The following TMEM108 variants were observed in gnomAD, a reference collection of about 807,000 sequenced individuals.
TMEM108 encodes transmembrane protein 108.
Under a neutral mutation model 35.1 loss-of-function variants are expected in TMEM108, and 12 were observed. That is an observed-to-expected ratio of 0.34 (90% confidence interval 0.22 to 0.55). TMEM108 has a LOEUF of 0.55. Ranked by LOEUF, TMEM108 falls within the 20% of genes least tolerant of loss-of-function variation. TMEM108 has a pLI of 0.89. For synonymous variants in TMEM108, 287 were observed against 308.6 expected, an observed-to-expected ratio of 0.93 and a Z score of 0.73; for missense variants, 680 against 753.3, an observed-to-expected ratio of 0.90 and a Z score of 1.14.
intron 2 of TMEM108, among the ~76,000 whole-genome samples, chr3:133,079,125 A>G (rs1001959827): frequency 1.3e-5 from 2 of 152,206 alleles, no homozygotes; most frequent in Non-Finnish European, 2.9e-5. Context: ...GGAAGACATA[A>G]TTGCTGACTG....
intron 2 of TMEM108, among the ~76,000 whole-genome samples, chr3:133,063,963 C>T (rs1943565971): frequency 6.6e-6 from 1 of 152,194 alleles, no homozygotes; most frequent in African/African-American, 2.4e-5. Context: ...ACCACATAGA[C>T]AGCATTCCCT....
At chr3:133,059,370 C>T (rs1048244402) in intron 2 of TMEM108, among the ~76,000 whole-genome samples, 1 of 151,862 alleles carries the variant, frequency 6.6e-6, no homozygotes, top group African/African-American at 2.4e-5. Flanking sequence ...GCTGGAGTGA[C>T]TTTTTTTTGG....
chr3:133,376,972 C>T (rs939365950), intron 3 of TMEM108, among the ~76,000 whole-genome samples: 4 of 152,122 alleles, frequency 2.6e-5, no homozygotes, highest in Non-Finnish European at 2.9e-5. Context: ...TGGAGTCCCC[C>T]GAGTCCTCTC....
intron 3 of TMEM108, among the ~76,000 whole-genome samples, chr3:133,360,007 TAA>T (rs59374214): frequency 1.3e-4 from 15 of 112,882 alleles, no homozygotes; most frequent in African/African-American, 2.8e-4. Flanking sequence ...ACTCAACAGT[TAA>T]AAAAAAAAAA....
At chr3:133,255,370 A>G (rs1341577160) in intron 3 of TMEM108, among the ~76,000 whole-genome samples, 1 of 152,222 alleles carries the variant, frequency 6.6e-6, no homozygotes, top group Admixed American at 6.5e-5. Flanking sequence ...CAAAATTAAA[A>G]ACATGTAATT....
At chr3:133,184,772 C>A (rs776530781) in intron 2 of TMEM108, among the ~76,000 whole-genome samples, 4 of 152,138 alleles carry the variant, frequency 2.6e-5, no homozygotes, top group African/African-American at 4.8e-5. Flanking sequence ...ACCCTGTTAC[C>A]TTTAGCTTCT....
At chr3:133,088,416 A>G (rs941814636) in intron 2 of TMEM108, among the ~76,000 whole-genome samples, 4 of 152,218 alleles carry the variant, frequency 2.6e-5, no homozygotes, top group Non-Finnish European at 5.9e-5. Flanking sequence ...TGAAAGTGAT[A>G]TAACATTAGC....
Position 133,380,914 on chromosome 3 carries a change from G to A in TMEM108, c.1203G>A (p.Lys401=). The A allele has an allele frequency of 6.2e-7, 1 of 1,614,194 alleles. No homozygotes were observed. The highest frequency in any genetic ancestry group is 2.2e-5 in the East Asian group (1 of 44,888). ...CAGAAAGCACTATTTCTGGAGCCAA[G>A]GAGGAGACTGTGGCCACCCTCACCA... is the stretch of plus-strand genomic sequence containing the variant. ...RVSESTISGA[K]EETVATLTMT... is the part of the protein sequence containing the mutation. Residue 401 remains lysine, a synonymous_variant, in exon 4 of 6, where the codon AAG becomes AAA. Coordinates refer to ENST00000321871, the MANE Select transcript of TMEM108 (RefSeq NM_023943.4). The surrounding 1 kb of genome is among the most constrained non-coding windows in gnomAD (Gnocchi z 5.3).
intron 3 of TMEM108, chr3:133,303,448 TC>T: frequency 6.6e-6 from 1 of 152,280 alleles, no homozygotes; most frequent in East Asian, 1.9e-4. Flanking sequence ...TCTGGTACCT[TC>T]CTAAGCATTT....
At chr3:133,300,264 G>A (rs367993010) in intron 3 of TMEM108, among the ~76,000 whole-genome samples, 21 of 152,250 alleles carry the variant, frequency 1.4e-4, no homozygotes, top group Admixed American at 2.0e-4. Flanking sequence ...ATTAATGTCC[G>A]TAGGCAGTAT....
At chr3:133,140,971 A>G (rs1320225852) in intron 2 of TMEM108, among the ~76,000 whole-genome samples, 1 of 152,242 alleles carries the variant, frequency 6.6e-6, no homozygotes, top group Admixed American at 6.5e-5. Context: ...ATGGCTGTGC[A>G]TGCCACAGTA....
Position 133,305,539 on chromosome 3 carries a change from AG to A in TMEM108, c.41-74212del, listed in dbSNP as rs1319397936. Among the ~76,000 whole-genome samples, 170 of 139,728 alleles carry A rather than the reference AG, an allele frequency of 1.2e-3. No homozygotes were observed. In the East Asian group the frequency reaches 0.025, roughly 20 times the overall value. The allele number at this position is 139,728 out of a possible 152,430, so 91.7% of individuals were successfully genotyped here. On this transcript the variant is annotated intron_variant, in intron 3 of 5. Coordinates refer to ENST00000321871, the MANE Select transcript of TMEM108 (RefSeq NM_023943.4). ...TAAAATAAATAAATAAATAAATAAA[AG>A]AAAGATGCCTATGAATATTCATATA...
intron 4 of TMEM108, chr3:133,387,752 G>A: frequency 2.4e-6 from 2 of 845,310 alleles, no homozygotes; most frequent in Non-Finnish European, 2.8e-6. Context: ...ATCTTCCCAA[G>A]GAAGCTGACG....
chr3:133,386,278 C>A (rs1229921058), intron 4 of TMEM108: 10 of 908,296 alleles, frequency 1.1e-5, no homozygotes, highest in Non-Finnish European at 1.4e-5. Context: ...TGGCAGTGAT[C>A]AAACAGTGAT....
chr3:133,175,698 G>C (rs558751439), intron 2 of TMEM108, among the ~76,000 whole-genome samples: 1 of 152,224 alleles, frequency 6.6e-6, no homozygotes, highest in South Asian at 2.1e-4. Context: ...GGAGCAACTG[G>C]TACCAGCCAC....
chr3:133,229,535 G>T (rs934951166), intron 3 of TMEM108, among the ~76,000 whole-genome samples, 184 bp downstream of exon 3: 5 of 152,142 alleles, frequency 3.3e-5, no homozygotes, highest in Non-Finnish European at 5.9e-5. Flanking sequence ...CTGTTTTAAT[G>T]TTAATGCTGG....
At chr3:133,225,116 G>C (rs1335451928) in intron 2 of TMEM108, among the ~76,000 whole-genome samples, 2 of 145,546 alleles carry the variant, frequency 1.4e-5, no homozygotes, top group Non-Finnish European at 3.0e-5. Flanking sequence ...GTGCAATCTT[G>C]GCTCACTGCA....
At chr3:133,052,951 T>G (rs1943424405) in intron 2 of TMEM108, among the ~76,000 whole-genome samples, 1 of 152,150 alleles carries the variant, frequency 6.6e-6, no homozygotes, top group South Asian at 2.1e-4. Flanking sequence ...GTTTTCTGTT[T>G]GTTTCTTTTT....
At chr3:133,348,587 C>T (rs2071891799) in intron 3 of TMEM108, among the ~76,000 whole-genome samples, 1 of 152,168 alleles carries the variant, frequency 6.6e-6, no homozygotes, top group African/African-American at 2.4e-5. Flanking sequence ...GCTAGCCCAT[C>T]ACAGCTGTCC....
Sources: allele counts gnomAD v4.1 joint callset (sites outside exome capture counted in the v4.1 genomes callset), GRCh38; gene constraint gnomAD v4.1.1; non-coding constraint Gnocchi (gnomAD v3.1); transcripts MANE v1.5; gene names NCBI Gene and HGNC (gene_info 2026-07-23, HGNC 2026-07-21).